The following RABGAP1L variants were observed in gnomAD, a reference collection of about 807,000 sequenced individuals.
RABGAP1L encodes the protein RAB GTPase activating protein 1 like.
In RABGAP1L, 63 loss-of-function variants were observed where a neutral mutation model predicts 137.7. The ratio of observed to expected loss-of-function variants is 0.46; its 90% CI spans 0.37 to 0.56. The LOEUF (loss-of-function observed/expected upper bound fraction) is 0.56, where lower values mean the gene tolerates loss of function less well. Among genes scored for constraint, RABGAP1L ranks in the 20% least tolerant of loss-of-function variants. The pLI is 0.00. For synonymous variants in RABGAP1L, 431 were observed against 433.7 expected (o/e 0.99, Z 0.08); for missense variants, 1,095 against 1,244.0 (o/e 0.88, Z 1.80).
intron 17 of RABGAP1L, among the ~76,000 whole-genome samples, chr1:174,721,823 G>A (rs1681561857): frequency 6.6e-6 from 1 of 152,202 alleles, no homozygotes; most frequent in African/African-American, 2.4e-5. Context: ...TAAACTGTAA[G>A]TCTCTTTTGA....
In RABGAP1L at chr1:174,982,969, G is replaced by A. The variant is rs1671262569; in HGVS notation, c.2805+64G>A. 3 of 1,481,442 alleles carry A rather than the reference G, an allele frequency of 2.0e-6. No homozygotes were observed. The East Asian group carries it at 7.4e-5, about 37-fold the overall frequency. 91.8% of individuals were successfully genotyped at this position (1,481,442 alleles called of 1,614,324 possible). ...AAGTCACACAGGCTTGTAAGTACCT[G>A]AAAGAACCCCAAACACCACCATTTT... is the stretch of plus-strand genomic sequence containing the variant. On this transcript the variant is annotated intron_variant, in intron 24 of 25. Transcript: ENST00000681986.
At chr1:174,935,295 G>T (rs1558251942) in intron 19 of RABGAP1L, 1 of 152,018 alleles carries the variant, frequency 6.6e-6, no homozygotes, top group South Asian at 2.1e-4. Flanking sequence ...TTTGAGTTCT[G>T]TTTTTTCTGA....
intron 1 of RABGAP1L, among the ~76,000 whole-genome samples, chr1:174,179,077 T>A (rs980210930): frequency 1.3e-5 from 2 of 152,180 alleles, no homozygotes; most frequent in Admixed American, 6.5e-5. Flanking sequence ...AGTTTTTTTT[T>A]ATTTTTTATT....
intron 13 of RABGAP1L, among the ~76,000 whole-genome samples, chr1:174,621,345 G>A (rs1406461049): frequency 3.3e-5 from 5 of 152,090 alleles, no homozygotes; most frequent in Admixed American, 6.6e-5. Flanking sequence ...CAGAACTGGA[G>A]AAAACTACTT....
At chr1:174,716,250 A>G (rs143307276) in intron 17 of RABGAP1L, among the ~76,000 whole-genome samples, 1 of 152,276 alleles carries the variant, frequency 6.6e-6, no homozygotes, top group African/African-American at 2.4e-5. Context: ...ATCTGCATCC[A>G]TTGTTTGGCA....
At chr1:174,228,069 T>C (rs574653620) in intron 3 of RABGAP1L, among the ~76,000 whole-genome samples, 4 of 152,226 alleles carry the variant, frequency 2.6e-5, no homozygotes, top group African/African-American at 9.6e-5. Flanking sequence ...TTTTCAGCTC[T>C]AGAATTTCTT....
intron 19 of RABGAP1L, among the ~76,000 whole-genome samples, chr1:174,907,738 C>G (rs2149182837): frequency 6.6e-6 from 1 of 152,174 alleles, no homozygotes; most frequent in East Asian, 1.9e-4. Flanking sequence ...AATTTACTAC[C>G]TATTAGGTAG....
intron 18 of RABGAP1L, among the ~76,000 whole-genome samples, chr1:174,791,501 G>A (rs1475075548): frequency 6.6e-6 from 1 of 152,092 alleles, no homozygotes; most frequent in Non-Finnish European, 1.5e-5. Context: ...CACACATAAA[G>A]ATAAAAAAAT....
chr1:174,785,248 G>A (rs1246011135), intron 18 of RABGAP1L, among the ~76,000 whole-genome samples: 2 of 152,054 alleles, frequency 1.3e-5, no homozygotes, highest in Non-Finnish European at 2.9e-5. Context: ...ATTTTTAGTA[G>A]AGACAGGGTT....
intron 11 of RABGAP1L, among the ~76,000 whole-genome samples, chr1:174,333,177 G>C (rs1303919199): frequency 6.6e-6 from 1 of 152,116 alleles, no homozygotes; most frequent in Non-Finnish European, 1.5e-5. Context: ...ATGAGGAGAG[G>C]GTAGATGGGG....
chr1:174,929,262 AT>A (rs1030054826), intron 19 of RABGAP1L, among the ~76,000 whole-genome samples: 2 of 152,180 alleles, frequency 1.3e-5, no homozygotes, highest in African/African-American at 4.8e-5. Flanking sequence ...TAACAGTTGT[AT>A]TTGGCAAACA....
At chr1:174,889,896 AT>A in intron 19 of RABGAP1L, among the ~76,000 whole-genome samples, 1 of 151,870 alleles carries the variant, frequency 6.6e-6, no homozygotes. Context: ...TGCCCAGCTA[AT>A]TTTTTCCTTT....
At chr1:174,443,313 G>C (rs1654363882) in intron 13 of RABGAP1L, among the ~76,000 whole-genome samples, 1 of 151,876 alleles carries the variant, frequency 6.6e-6, no homozygotes, top group South Asian at 2.1e-4. Context: ...TTCCATAATG[G>C]CTATTTTAGT....
At chr1:174,867,284 G>A (rs1651429550) in intron 19 of RABGAP1L, among the ~76,000 whole-genome samples, 1 of 151,926 alleles carries the variant, frequency 6.6e-6, no homozygotes, top group Non-Finnish European at 1.5e-5. Context: ...GGGAAGATGA[G>A]GCAGGAGAAA....
chr1:174,557,836 T>G (rs1666974875), intron 13 of RABGAP1L, among the ~76,000 whole-genome samples: 2 of 152,226 alleles, frequency 1.3e-5, no homozygotes, highest in South Asian at 4.1e-4. Flanking sequence ...GGGCTGCTGC[T>G]TTTTGATTGA....
intron 1 of RABGAP1L, among the ~76,000 whole-genome samples, chr1:174,204,194 G>T (rs1668335203): frequency 6.6e-6 from 1 of 152,042 alleles, no homozygotes; most frequent in African/African-American, 2.4e-5. Context: ...CAAGTGATCT[G>T]CCCACCTCAG....
intron 18 of RABGAP1L, among the ~76,000 whole-genome samples, chr1:174,804,515 C>G (rs1192153848): frequency 6.6e-6 from 1 of 152,110 alleles, no homozygotes; most frequent in Non-Finnish European, 1.5e-5. Context: ...CTGGGAAATT[C>G]TTGCCAACGC....
At chr1:174,390,015 G>A (rs747413414) in intron 12 of RABGAP1L, among the ~76,000 whole-genome samples, 27 of 152,108 alleles carry the variant, frequency 1.8e-4, no homozygotes, top group Admixed American at 4.6e-4. Context: ...ATTTTAATCA[G>A]AAATATTGAA....
intron 17 of RABGAP1L, among the ~76,000 whole-genome samples, chr1:174,704,887 C>A (rs1412084395): frequency 6.6e-6 from 1 of 152,122 alleles, no homozygotes; most frequent in South Asian, 2.1e-4. Flanking sequence ...AAATTCACAT[C>A]TTCAAGTTCT....
Sources: allele counts gnomAD v4.1 joint callset (sites outside exome capture counted in the v4.1 genomes callset), GRCh38; gene constraint gnomAD v4.1.1; transcripts MANE v1.5; gene names NCBI Gene and HGNC (gene_info 2026-07-23, HGNC 2026-07-21).